The following AKAP6 variants were observed in gnomAD, a reference collection of about 807,000 sequenced individuals.
AKAP6 encodes A-kinase anchoring protein 6, also known as A-kinase anchor protein 6.
AKAP6 carries 58 observed loss-of-function variants against 188.5 expected under a neutral mutation model. That is an observed-to-expected ratio of 0.31 (90% CI 0.25 to 0.38). The LOEUF (loss-of-function observed/expected upper bound fraction) is 0.38. Ranked by LOEUF, AKAP6 falls within the 10% of genes least tolerant of loss-of-function variation. The pLI, the probability that AKAP6 is intolerant of heterozygous loss-of-function variation, is 1.00. For missense variants in AKAP6, 2,710 were observed against 2,740.0 expected (o/e 0.99, Z 0.24); for synonymous variants, 989 against 998.6 (o/e 0.99, Z 0.18).
At chr14:32,449,338 T>C (rs1166035827) in intron 2 of AKAP6, among the ~76,000 whole-genome samples, 3 of 151,880 alleles carry the variant, frequency 2.0e-5, no homozygotes, top group Non-Finnish European at 4.4e-5. Context: ...TAAAATCCTG[T>C]CTTTTCTAAA....
chr14:32,359,675 T>C (rs1380611220), intron 1 of AKAP6, among the ~76,000 whole-genome samples: 1 of 152,106 alleles, frequency 6.6e-6, no homozygotes, highest in Admixed American at 6.5e-5. Flanking sequence ...TGGTAATTTG[T>C]CTGTCTTTCC....
intron 8 of AKAP6, among the ~76,000 whole-genome samples, chr14:32,687,429 TCTCTCTCTCTCTTTCTC>T (rs1566647290): frequency 9.3e-5 from 14 of 149,744 alleles, no homozygotes; most frequent in African/African-American, 3.0e-4. Flanking sequence ...TCTCTCTCTC[TCTCTCTCTCTCTTTCTC>T]TCTTTCTCTT....
chr14:32,368,010 C>T (rs1887889207), intron 1 of AKAP6, among the ~76,000 whole-genome samples: 1 of 152,098 alleles, frequency 6.6e-6, no homozygotes, highest in South Asian at 2.1e-4. Flanking sequence ...TTCTAATTTT[C>T]TTCTATTGGT....
In AKAP6 at chr14:32,579,182, G is replaced by C. The variant is rs188174808; in HGVS notation, c.2469+1940G>C. ...CCAGCTTTTTATAGGTGACCGTAAC[G>C]AACGGCAATATCTGTACCTGCCTCG... is the stretch of plus-strand genomic sequence containing the variant. On this transcript the variant is annotated intron_variant, in intron 5 of 13. Transcript: ENST00000280979. Among the ~76,000 whole-genome samples, 958 of 152,198 alleles carry C rather than the reference G, an allele frequency of 6.3e-3. 11 individuals carry two copies. The highest frequency in any genetic ancestry group is 0.011 in the Non-Finnish European group (737 of 67,996).
chr14:32,641,294 A>G (rs1887743101), intron 7 of AKAP6, among the ~76,000 whole-genome samples: 1 of 152,000 alleles, frequency 6.6e-6, no homozygotes, highest in Non-Finnish European at 1.5e-5. Context: ...ATACAATAAT[A>G]TACAATACAA....
At chr14:32,739,634 G>T (rs911176076) in intron 11 of AKAP6, among the ~76,000 whole-genome samples, 21 of 151,962 alleles carry the variant, frequency 1.4e-4, no homozygotes, top group Admixed American at 1.1e-3. Flanking sequence ...TTGTCTTTCT[G>T]TTCCTGGCTT....
chr14:32,466,259 A>G (rs1205632244), intron 2 of AKAP6, among the ~76,000 whole-genome samples: 11 of 152,250 alleles, frequency 7.2e-5, no homozygotes, highest in Admixed American at 7.2e-4. Flanking sequence ...TCATTCTTGT[A>G]TAGAGATGCA....
chr14:32,490,000 G>C (rs1466578226), intron 2 of AKAP6, among the ~76,000 whole-genome samples: 2 of 152,138 alleles, frequency 1.3e-5, no homozygotes, highest in Non-Finnish European at 2.9e-5. Context: ...GGAGTTAGGA[G>C]CAATGTTTTT....
chr14:32,463,217 C>T (rs1415596747), intron 2 of AKAP6, among the ~76,000 whole-genome samples: 1 of 152,080 alleles, frequency 6.6e-6, no homozygotes, highest in East Asian at 1.9e-4. Flanking sequence ...TAAGGATATT[C>T]AGGGCTTGAA....
Position 32,633,141 on chromosome 14 carries a change from T to C in AKAP6, c.2730+32349T>C, listed in dbSNP as rs567521971. ...GTATAAAGGATTCATATCCACCTCA[T>C]CAATTCATATAAACTGTCTTTGATT... On this transcript the variant is annotated intron_variant, in intron 7 of 13. Coordinates refer to ENST00000280979, the MANE Select transcript of AKAP6 (RefSeq NM_004274.5). Among the ~76,000 whole-genome samples, 7 of 152,248 alleles carry C rather than the reference T, an allele frequency of 4.6e-5. No homozygotes were observed. The South Asian group carries it at 1.4e-3, about 32-fold the overall frequency.
intron 2 of AKAP6, among the ~76,000 whole-genome samples, chr14:32,455,728 A>G (rs117495436): frequency 0.037 from 5,645 of 152,220 alleles, 125 homozygotes; most frequent in East Asian, 0.1. Flanking sequence ...AATATGGTAA[A>G]CCTTGTAATC....
At chr14:32,565,419 A>G (rs935645686) in intron 4 of AKAP6, among the ~76,000 whole-genome samples, 22 of 152,224 alleles carry the variant, frequency 1.4e-4, no homozygotes, top group African/African-American at 5.3e-4. Context: ...CATCTTTCTC[A>G]TCATCCATCA....
In AKAP6 at chr14:32,470,585, A is replaced by G. The variant is rs180890057; in HGVS notation, c.324+36768A>G. On this transcript the variant is annotated intron_variant, in intron 2 of 13. Transcript: ENST00000280979. The stretch of plus-strand genomic sequence containing the variant: ...GGGGAAAGTAATCAGGGAGCCATTT[A>G]AAGCAGCTGAGAGGAAAACTGCCAG... 2.0e-5 allele frequency among the ~76,000 whole-genome samples: 3 copies of G among 152,326 alleles called. No individual in the cohort carries two copies. The East Asian group carries it at 5.8e-4, about 29-fold the overall frequency.
chr14:32,829,463 C>T (rs2034767931), intron 13 of AKAP6, among the ~76,000 whole-genome samples: 2 of 152,190 alleles, frequency 1.3e-5, no homozygotes. Context: ...AAATATTTTG[C>T]CGCATCACTT....
intron 12 of AKAP6, among the ~76,000 whole-genome samples, chr14:32,815,253 T>C (rs1477655709): frequency 6.6e-6 from 1 of 152,198 alleles, no homozygotes; most frequent in Admixed American, 6.5e-5. Flanking sequence ...TGATCAGCTT[T>C]GTTATTGAAA....
intron 11 of AKAP6, among the ~76,000 whole-genome samples, chr14:32,750,558 C>CAA (rs1172151723): frequency 7.2e-6 from 1 of 138,962 alleles, no homozygotes; most frequent in Non-Finnish European, 1.6e-5. Flanking sequence ...CCCATCTCTA[C>CAA]AAAAAAAAAA....
chr14:32,443,911 G>A (rs561629495), intron 2 of AKAP6, among the ~76,000 whole-genome samples: 5 of 152,160 alleles, frequency 3.3e-5, no homozygotes, highest in East Asian at 3.9e-4. Flanking sequence ...ATTTTACATC[G>A]TCATGAGAGA....
intron 2 of AKAP6, among the ~76,000 whole-genome samples, chr14:32,496,873 G>A (rs983353632): frequency 6.6e-6 from 1 of 152,160 alleles, no homozygotes; most frequent in Non-Finnish European, 1.5e-5. Flanking sequence ...TATAATTGAA[G>A]TATGAGAGCT....
intron 9 of AKAP6, among the ~76,000 whole-genome samples, chr14:32,708,016 T>C (rs1050829605): frequency 6.6e-6 from 1 of 152,066 alleles, no homozygotes; most frequent in Non-Finnish European, 1.5e-5. Context: ...CATAATTCTA[T>C]GGCTAGTCTC....
Sources: gnomAD v4.1 joint callset for allele counts (sites outside exome capture counted in the v4.1 genomes callset) on GRCh38, gnomAD v4.1.1 for gene constraint, MANE v1.5 for transcripts, NCBI Gene and HGNC (gene_info 2026-07-23, HGNC 2026-07-21) for gene names.